The following LARGE1 variants were observed in gnomAD, a reference collection of about 807,000 sequenced individuals.
LARGE1 encodes xylosyl- and glucuronyltransferase LARGE1.
In LARGE1, 43 loss-of-function variants were observed where a neutral mutation model predicts 87.6. That is an observed-to-expected ratio of 0.49 (90% CI 0.38 to 0.63). The LOEUF (loss-of-function observed/expected upper bound fraction) is 0.63, where lower values mean the gene tolerates loss of function less well. Ranked by LOEUF, LARGE1 falls within the 30% of genes least tolerant of loss-of-function variation. LARGE1 has a pLI of 0.00. For missense variants in LARGE1, 802 were observed against 1,000.2 expected (o/e 0.80, Z 2.67); for synonymous variants, 434 against 394.6 (o/e 1.10, Z -1.18).
At chr22:33,370,726 G>A (rs1005688036) in intron 9 of LARGE1, among the ~76,000 whole-genome samples, 1 of 151,020 alleles carries the variant, frequency 6.6e-6, no homozygotes, top group South Asian at 2.1e-4. Flanking sequence ...GTAAAATCTG[G>A]AATAGGTGTT....
chr22:33,294,378 T>C (rs1175740118), intron 12 of LARGE1, among the ~76,000 whole-genome samples: 2 of 152,202 alleles, frequency 1.3e-5, no homozygotes, highest in South Asian at 2.1e-4. Context: ...GCCCACTGTT[T>C]AATCAAACCT....
rs183417468 is a variant in LARGE1, at chr22:33,759,863, T to C, written c.106+1508A>G. ...CTTCCCATCCACTGCCATGGCATAA[T>C]TGGCTCTATCTACCTGCTTAGATGA... On this transcript the variant is annotated intron_variant, in intron 2 of 14. Transcript: ENST00000397394. Among the ~76,000 whole-genome samples the C allele has an allele frequency of 4.8e-3, 732 of 152,234 alleles. 7 individuals are homozygous for C. The highest frequency in any genetic ancestry group is 5.3e-3 in the Non-Finnish European group (361 of 68,014).
chr22:33,475,271 C>T (rs1349108023), intron 6 of LARGE1, among the ~76,000 whole-genome samples: 1 of 151,982 alleles, frequency 6.6e-6, no homozygotes, highest in Admixed American at 6.6e-5. Flanking sequence ...AGTTGCATAT[C>T]TCTTAATTGG....
intron 5 of LARGE1, among the ~76,000 whole-genome samples, chr22:33,571,615 C>A (rs992573147): frequency 1.3e-5 from 2 of 152,252 alleles, no homozygotes; most frequent in Non-Finnish European, 2.9e-5. Flanking sequence ...TTGAGATACC[C>A]CAGTAAAGAT....
intron 12 of LARGE1, among the ~76,000 whole-genome samples, chr22:33,296,590 T>TG (rs111319998): frequency 1.3e-4 from 19 of 145,496 alleles, no homozygotes; most frequent in African/African-American, 3.9e-4. Context: ...TTTTTTGAGA[T>TG]GGAGTTTCTC....
chr22:33,230,606 C>A (rs1221254696), intron 11 of LARGE1, among the ~76,000 whole-genome samples: 2 of 152,176 alleles, frequency 1.3e-5, no homozygotes, highest in Non-Finnish European at 2.9e-5. Context: ...TTAATCTATT[C>A]CAACTTCTGA....
At chr22:33,169,256 C>T (rs747613683) in intron 11 of LARGE1, among the ~76,000 whole-genome samples, 6 of 152,066 alleles carry the variant, frequency 3.9e-5, no homozygotes, top group South Asian at 4.1e-4. Context: ...TTAGGTCTTA[C>T]GTATAATGAG....
intron 1 of LARGE1, among the ~76,000 whole-genome samples, chr22:33,877,877 A>G (rs13054775): frequency 0.66 from 99,874 of 151,330 alleles, 33,546 homozygotes; most frequent in African/African-American, 0.8. Context: ...AGCCGAGATC[A>G]TGCCACTCCA....
intron 1 of LARGE1, among the ~76,000 whole-genome samples, chr22:33,773,338 C>T (rs1002693669): frequency 1.3e-5 from 2 of 152,212 alleles, no homozygotes; most frequent in African/African-American, 4.8e-5. Flanking sequence ...TTGAAAATTT[C>T]GAGTTCACTA....
At chr22:33,426,269 AAAAAC>A (rs1361235663) in intron 7 of LARGE1, among the ~76,000 whole-genome samples, 3 of 152,214 alleles carry the variant, frequency 2.0e-5, no homozygotes, top group Admixed American at 6.5e-5. Flanking sequence ...CACCCATTTA[AAAAAC>A]AAAACAAAAC....
intron 9 of LARGE1, among the ~76,000 whole-genome samples, chr22:33,372,899 G>A (rs1226327329): frequency 1.3e-5 from 2 of 152,180 alleles, no homozygotes; most frequent in African/African-American, 2.4e-5. Flanking sequence ...CCATAAGTAG[G>A]AGAGTAATAT....
chr22:33,755,280 T>C (rs1250855057), intron 2 of LARGE1, among the ~76,000 whole-genome samples: 2 of 152,146 alleles, frequency 1.3e-5, no homozygotes, highest in African/African-American at 4.8e-5. Flanking sequence ...CCTCTGCCTT[T>C]TCATGACACT....
chr22:33,800,090 C>T (rs189313564), intron 1 of LARGE1, among the ~76,000 whole-genome samples: 9 of 152,312 alleles, frequency 5.9e-5, no homozygotes, highest in African/African-American at 2.2e-4. Flanking sequence ...CTGACTCATT[C>T]CGTTCCAAAA....
intron 2 of LARGE1, among the ~76,000 whole-genome samples, chr22:33,717,416 G>C (rs2082944782): frequency 6.6e-6 from 1 of 152,164 alleles, no homozygotes; most frequent in Non-Finnish European, 1.5e-5. Context: ...CACAGAATGA[G>C]AGCTTTTTCT....
intron 1 of LARGE1, among the ~76,000 whole-genome samples, chr22:33,845,540 T>C (rs1840245468): frequency 6.6e-6 from 1 of 151,890 alleles, no homozygotes; most frequent in Non-Finnish European, 1.5e-5. Flanking sequence ...ACTCCTGACC[T>C]CAGATCATCT....
chr22:33,656,932 G>A (rs966962989), intron 2 of LARGE1: 6 of 152,208 alleles, frequency 3.9e-5, no homozygotes, highest in South Asian at 2.1e-4. Context: ...CAACCTCCGT[G>A]CAGTGCAGTG....
chr22:33,321,602 C>T (rs757375705), intron 10 of LARGE1, among the ~76,000 whole-genome samples: 6 of 152,122 alleles, frequency 3.9e-5, no homozygotes, highest in Non-Finnish European at 7.3e-5. Context: ...TTAATATGCT[C>T]AGAAGAATGA....
chr22:33,517,765 G>A (rs1022701295), intron 6 of LARGE1, among the ~76,000 whole-genome samples: 7 of 152,136 alleles, frequency 4.6e-5, no homozygotes, highest in Non-Finnish European at 8.8e-5. Context: ...CCACAGACCC[G>A]GAGTAAGAAG....
At chr22:33,330,223 G>A (rs1216178858) in intron 10 of LARGE1, among the ~76,000 whole-genome samples, 1 of 152,166 alleles carries the variant, frequency 6.6e-6, no homozygotes, top group African/African-American at 2.4e-5. Flanking sequence ...TACTGTGGAA[G>A]GATTCTGAAT....
Sources: gnomAD v4.1 joint callset for allele counts (sites outside exome capture counted in the v4.1 genomes callset) on GRCh38, gnomAD v4.1.1 for gene constraint, MANE v1.5 for transcripts, NCBI Gene and HGNC (gene_info 2026-07-23, HGNC 2026-07-21) for gene names.